ST8SIA6: variants seen among roughly 807,000 people sequenced by gnomAD.
The protein encoded by ST8SIA6 is ST8 alpha-N-acetyl-neuraminide alpha-2,8-sialyltransferase 6.
A neutral mutation model predicts 33.6 loss-of-function variants in ST8SIA6; 39 were observed. The observed-to-expected ratio is 1.16, with a 90% CI of 0.90 to 1.52. The LOEUF is 1.52. ST8SIA6 is among the 40% of genes most tolerant of loss of function. The pLI is 0.00. For missense variants in ST8SIA6, 441 were observed against 443.8 expected, an observed-to-expected ratio of 0.99 and a Z score of 0.06; for synonymous variants, 172 against 167.2, an observed-to-expected ratio of 1.03 and a Z score of -0.22.
At chr10:17,434,209 G>C (rs1330303700) in intron 2 of ST8SIA6, among the ~76,000 whole-genome samples, 1 of 152,176 alleles carries the variant, frequency 6.6e-6, no homozygotes, top group Non-Finnish European at 1.5e-5. Flanking sequence ...TTGGGACTAT[G>C]TCCACAGATT....
At chr10:17,403,336 A>T (rs1173632831) in intron 2 of ST8SIA6, among the ~76,000 whole-genome samples, 1 of 152,218 alleles carries the variant, frequency 6.6e-6, no homozygotes, top group Non-Finnish European at 1.5e-5. Context: ...ATAGAAACAG[A>T]TTGAAAACAA....
intron 6 of ST8SIA6, 22 bp downstream of exon 6, chr10:17,326,992 A>G: frequency 6.5e-7 from 1 of 1,542,266 alleles, no homozygotes; most frequent in Non-Finnish European, 8.8e-7. Context: ...TGTTTCAAAG[A>G]AACCAATTTG....
intron 4 of ST8SIA6, among the ~76,000 whole-genome samples, chr10:17,346,631 T>C (rs1848846496): frequency 2.0e-5 from 3 of 152,118 alleles, no homozygotes; most frequent in African/African-American, 7.2e-5. Flanking sequence ...ATTCCCCAGC[T>C]GAGCCCAGGC....
chr10:17,375,953 G>A (rs745842280), intron 3 of ST8SIA6, among the ~76,000 whole-genome samples: 1 of 152,176 alleles, frequency 6.6e-6, no homozygotes, highest in African/African-American at 2.4e-5. Context: ...TAATACATAC[G>A]TGGCAGAGAC....
At chr10:17,382,443 T>A (rs1174256497) in intron 3 of ST8SIA6, among the ~76,000 whole-genome samples, 1 of 152,160 alleles carries the variant, frequency 6.6e-6, no homozygotes, top group East Asian at 1.9e-4. Flanking sequence ...TTTTTGTATT[T>A]TTAGTGGAGA....
chr10:17,405,937 T>C (rs1227663814), intron 2 of ST8SIA6, among the ~76,000 whole-genome samples: 1 of 151,770 alleles, frequency 6.6e-6, no homozygotes, highest in Non-Finnish European at 1.5e-5. Context: ...TGATTTCAGC[T>C]TCCTCAGGTG....
intron 4 of ST8SIA6, among the ~76,000 whole-genome samples, chr10:17,334,697 A>G (rs1848450726): frequency 6.6e-6 from 1 of 152,134 alleles, no homozygotes; most frequent in South Asian, 2.1e-4. Flanking sequence ...GGGTGAATTT[A>G]AAGTTGCCAT....
At chr10:17,339,043 C>G (rs45628738) in intron 4 of ST8SIA6, among the ~76,000 whole-genome samples, 4 of 152,100 alleles carry the variant, frequency 2.6e-5, no homozygotes, top group Non-Finnish European at 4.4e-5. Flanking sequence ...CCTTTGCATC[C>G]AGATGTCAAA....
chr10:17,341,963 A>T (rs1412335896), intron 4 of ST8SIA6, among the ~76,000 whole-genome samples: 1 of 151,798 alleles, frequency 6.6e-6, no homozygotes, highest in East Asian at 1.9e-4. Flanking sequence ...GCTGTCTATA[A>T]CCCAGAAGAG....
At chr10:17,334,387 AAGTT>A (rs1310550320) in intron 4 of ST8SIA6, among the ~76,000 whole-genome samples, 25 of 151,722 alleles carry the variant, frequency 1.6e-4, no homozygotes, top group Non-Finnish European at 3.1e-4. Flanking sequence ...AAAATACAAA[AAGTT>A]AGCCGGGCAC....
rs140007508 is a variant in ST8SIA6, at chr10:17,451,000, C to T, written c.200+2559G>A. The stretch of plus-strand genomic sequence containing the variant: ...GATTCTCCTGGCCTGGGTTTCACTC[C>T]AGGCTCCACAATGTGTTAACTCTGT... On this transcript the variant is annotated intron_variant, in intron 2 of 7. Coordinates refer to ENST00000377602, the MANE Select transcript of ST8SIA6 (RefSeq NM_001004470.3). Among the ~76,000 whole-genome samples the T allele has an allele frequency of 3.2e-3, 494 of 152,268 alleles. 4 individuals are homozygous for T. Among genetic ancestry groups the T allele is most frequent in the African/African-American group, 0.012 (478 of 41,546 alleles).
chr10:17,339,465 GAA>G (rs1324182663), intron 4 of ST8SIA6, among the ~76,000 whole-genome samples: 1 of 152,064 alleles, frequency 6.6e-6, no homozygotes, highest in Non-Finnish European at 1.5e-5. Flanking sequence ...AGGGTCCTAG[GAA>G]AAAGAGTTTT....
At chr10:17,326,948 CACTATCCCCCTCTGAAATACCCA>C in intron 6 of ST8SIA6, 43 bp downstream of exon 6, 1 of 1,117,198 alleles carries the variant, frequency 9.0e-7, no homozygotes, top group Non-Finnish European at 1.3e-6. Flanking sequence ...GATATCTTTA[CACTATCCCCCTCTGAAATACCCA>C]ACTGATCTAT....
chr10:17,370,274 C>T lies in ST8SIA6; in HGVS notation c.291-10674G>A, dbSNP rs144892327. ...CTGGGATTGCAGGCGTGAGCCACCACGCCCTGCCTGACAATCTCTGACTTT... is the reference window on the plus strand; with the variant it reads ...CTGGGATTGCAGGCGTGAGCCACCATGCCCTGCCTGACAATCTCTGACTTT... On this transcript the variant is annotated intron_variant, in intron 3 of 7. Coordinates refer to ENST00000377602, the MANE Select transcript of ST8SIA6 (RefSeq NM_001004470.3). Among the ~76,000 whole-genome samples the T allele has an allele frequency of 1.5e-3, 232 of 152,252 alleles. 2 individuals carry two copies. The highest frequency in any genetic ancestry group is 5.2e-3 in the African/African-American group (217 of 41,530).
chr10:17,415,229 G>C (rs920977504), intron 2 of ST8SIA6, among the ~76,000 whole-genome samples: 2 of 152,144 alleles, frequency 1.3e-5, no homozygotes, highest in Non-Finnish European at 1.5e-5. Flanking sequence ...CTCAGAAAAT[G>C]AAAGCCCAAA....
At chr10:17,398,497 A>G (rs559480249) in intron 2 of ST8SIA6, among the ~76,000 whole-genome samples, 1 of 152,324 alleles carries the variant, frequency 6.6e-6, no homozygotes, top group South Asian at 2.1e-4. Flanking sequence ...AATTAATACA[A>G]TCATGCAATC....
At chr10:17,337,589 G>A (rs1325074571) in intron 4 of ST8SIA6, among the ~76,000 whole-genome samples, 4 of 152,184 alleles carry the variant, frequency 2.6e-5, no homozygotes, top group African/African-American at 9.7e-5. Context: ...TATGCTCTTT[G>A]TCACTTTCCA....
intron 2 of ST8SIA6, among the ~76,000 whole-genome samples, chr10:17,438,363 C>G (rs1222765405): frequency 6.6e-6 from 1 of 152,100 alleles, no homozygotes; most frequent in Non-Finnish European, 1.5e-5. Context: ...CAAATGGGCT[C>G]TCAAAGTTCA....
chr10:17,396,770 T>G (rs1312171628), intron 2 of ST8SIA6, among the ~76,000 whole-genome samples: 5 of 152,256 alleles, frequency 3.3e-5, no homozygotes, highest in African/African-American at 1.2e-4. Context: ...CTCCATCTAT[T>G]GCCTTACCTT....
Sources: gnomAD v4.1 joint callset for allele counts (sites outside exome capture counted in the v4.1 genomes callset) on GRCh38, gnomAD v4.1.1 for gene constraint, MANE v1.5 for transcripts, NCBI Gene and HGNC (gene_info 2026-07-23, HGNC 2026-07-21) for gene names.